Variants in TENM3 observed in about 807,000 individuals in gnomAD.
TENM3 encodes the protein teneurin-3.
Under a neutral mutation model 255.1 loss-of-function variants are expected in TENM3, and 63 were observed. The observed-to-expected ratio is 0.25, with a 90% CI of 0.20 to 0.30. The LOEUF is 0.30. TENM3 is among the 10% of genes least tolerant of loss of function. The probability of loss-of-function intolerance (pLI) is 1.00; values close to 1 mark genes in which losing one functional copy is unlikely to be tolerated. For missense variants in TENM3, 2,929 were observed against 3,461.1 expected (o/e 0.85, Z 3.86); for synonymous variants, 1,306 against 1,322.3 (o/e 0.99, Z 0.27).
the TENM3 span, among the ~76,000 whole-genome samples, chr4:181,669,672 C>A: frequency 6.6e-6 from 1 of 152,170 alleles, no homozygotes; most frequent in Non-Finnish European, 1.5e-5. Flanking sequence ...CCTACAAGAA[C>A]TGATTGCTTC....
At chr4:181,721,599 C>CAAAA in the TENM3 span, among the ~76,000 whole-genome samples, 1 of 25,590 alleles carries the variant, frequency 3.9e-5, no homozygotes, top group Non-Finnish European at 6.7e-5. Flanking sequence ...GACTCCGTCT[C>CAAAA]AAAAAAAAAA....
At chr4:181,914,746 G>C in the TENM3 span, among the ~76,000 whole-genome samples, 4 of 152,156 alleles carry the variant, frequency 2.6e-5, no homozygotes, top group Admixed American at 6.5e-5. Flanking sequence ...TCCCGAAGAA[G>C]ACAGGATGAA....
chr4:181,781,751 G>C, the TENM3 span, among the ~76,000 whole-genome samples: 1 of 152,108 alleles, frequency 6.6e-6, no homozygotes, highest in Non-Finnish European at 1.5e-5. Context: ...CATTGGCTGT[G>C]GCTTTGTCAT....
the TENM3 span, among the ~76,000 whole-genome samples, chr4:181,783,809 C>G: frequency 1.4e-4 from 21 of 152,210 alleles, no homozygotes; most frequent in Non-Finnish European, 2.1e-4. Flanking sequence ...TGATGCCCCT[C>G]AAGCCTAAGC....
the TENM3 span, among the ~76,000 whole-genome samples, chr4:181,541,417 C>T: frequency 6.6e-6 from 1 of 151,812 alleles, no homozygotes; most frequent in Non-Finnish European, 1.5e-5. Context: ...AAATCTAGAA[C>T]AATTGAGCAG....
chr4:182,287,933 T>C (rs1760846278), intron 1 of TENM3, among the ~76,000 whole-genome samples: 1 of 149,938 alleles, frequency 6.7e-6, no homozygotes, highest in Non-Finnish European at 1.5e-5. Context: ...TGTTTGTTTG[T>C]TTTTTGTTTT....
intron 3 of TENM3, among the ~76,000 whole-genome samples, chr4:182,559,722 C>G (rs1342395711): frequency 6.6e-6 from 1 of 151,958 alleles, no homozygotes; most frequent in Non-Finnish European, 1.5e-5. Flanking sequence ...TTTCTTTACA[C>G]CTCTTGCTTT....
chr4:182,621,605 A>T (rs1750155549), intron 4 of TENM3, among the ~76,000 whole-genome samples: 1 of 112,928 alleles, frequency 8.9e-6, no homozygotes, highest in Non-Finnish European at 1.8e-5. Context: ...CTGTACAAAA[A>T]TATATATAAA....
At chr4:181,858,492 C>T in the TENM3 span, among the ~76,000 whole-genome samples, 317 of 152,144 alleles carry the variant, frequency 2.1e-3, 1 homozygote, top group Non-Finnish European at 3.0e-3. Flanking sequence ...TATCCAGTGC[C>T]GGACAATACA....
At chr4:181,920,076 T>C in the TENM3 span, among the ~76,000 whole-genome samples, 1 of 152,042 alleles carries the variant, frequency 6.6e-6, no homozygotes, top group Admixed American at 6.6e-5. Context: ...TCCTTTTTTA[T>C]GGCTGCATAG....
the TENM3 span, among the ~76,000 whole-genome samples, chr4:181,764,779 G>A: frequency 1.3e-5 from 2 of 152,012 alleles, no homozygotes; most frequent in South Asian, 2.1e-4. Context: ...CAACCTTCAC[G>A]TCCCAGGCTC....
At chr4:181,637,765 G>T in the TENM3 span, among the ~76,000 whole-genome samples, 1 of 152,138 alleles carries the variant, frequency 6.6e-6, no homozygotes, top group Non-Finnish European at 1.5e-5. Flanking sequence ...CTCATTTATT[G>T]TTTTGTTGTT....
chr4:182,204,494 T>A (rs1754417625), intron 1 of TENM3, among the ~76,000 whole-genome samples: 1 of 152,200 alleles, frequency 6.6e-6, no homozygotes, highest in Non-Finnish European at 1.5e-5. Context: ...ACTTTTGAGC[T>A]TCTTTGCAGA....
the TENM3 span, among the ~76,000 whole-genome samples, chr4:181,486,320 G>A: frequency 6.6e-6 from 1 of 152,092 alleles, no homozygotes; most frequent in East Asian, 1.9e-4. Flanking sequence ...GCTGAAATCC[G>A]GAGACTTGCC....
intron 12 of TENM3, among the ~76,000 whole-genome samples, chr4:182,695,129 G>A (rs1047166917): frequency 3.9e-5 from 6 of 152,142 alleles, no homozygotes; most frequent in African/African-American, 1.2e-4. Context: ...TGGATATGGG[G>A]CACCACATCA....
At chr4:181,861,604 T>C in the TENM3 span, among the ~76,000 whole-genome samples, 2 of 152,190 alleles carry the variant, frequency 1.3e-5, no homozygotes, top group South Asian at 2.1e-4. Flanking sequence ...TCTTCCAACA[T>C]CCCTAATACT....
intron 3 of TENM3, among the ~76,000 whole-genome samples, chr4:182,375,327 A>G (rs556135257): frequency 3.9e-5 from 6 of 152,194 alleles, no homozygotes; most frequent in East Asian, 1.9e-4. Context: ...CCACACCCCA[A>G]ATAGATGCCT....
At chr4:182,246,759 C>G (rs1055007060) in intron 1 of TENM3, among the ~76,000 whole-genome samples, 1 of 152,212 alleles carries the variant, frequency 6.6e-6, no homozygotes, top group African/African-American at 2.4e-5. Flanking sequence ...CCCTCCCTCT[C>G]GTCCTTCGCT....
chr4:181,567,324 A>C, the TENM3 span, among the ~76,000 whole-genome samples: 2 of 152,212 alleles, frequency 1.3e-5, no homozygotes, highest in African/African-American at 4.8e-5. Context: ...CTTTTCCAAA[A>C]ATATTTGCAT....
Sources: allele counts gnomAD v4.1 joint callset (sites outside exome capture counted in the v4.1 genomes callset), GRCh38; gene constraint gnomAD v4.1.1; transcripts MANE v1.5; gene names NCBI Gene and HGNC (gene_info 2026-07-23, HGNC 2026-07-21).